Variants in UGT2B4 observed in about 807,000 individuals in gnomAD.
The protein encoded by UGT2B4 is UDP-glucuronosyltransferase 2B4.
Under a neutral mutation model 49.8 loss-of-function variants are expected in UGT2B4, and 49 were observed. The ratio of observed to expected loss-of-function variants is 0.98; its 90% confidence interval spans 0.78 to 1.25. The LOEUF (loss-of-function observed/expected upper bound fraction) is 1.25, where lower values mean the gene tolerates loss of function less well. Among genes scored for constraint, UGT2B4 ranks in the 50% most tolerant of loss-of-function variants. UGT2B4 has a pLI of 0.00. For synonymous variants in UGT2B4, 246 were observed against 217.7 expected (o/e 1.13, Z -1.14); for missense variants, 729 against 627.7 (o/e 1.16, Z -1.73).
Position 69,493,808 on chromosome 4 carries a change from T to A in UGT2B4, c.755A>T (p.Lys252Ile), listed in dbSNP as rs1728065500. 6.2e-7 allele frequency: 1 copy of A among 1,606,334 alleles called. No individual in the cohort carries two copies. Among genetic ancestry groups the A allele is most frequent in the Non-Finnish European group, 8.5e-7 (1 of 1,176,934 alleles). Residue 252 changes from lysine to isoleucine, a missense_variant, in exon 2 of 6, where the codon AAA (lysine) becomes ATA (isoleucine). Physicochemically the swap from Lys to Ile is moderately radical, Grantham distance 102. Transcript: ENST00000305107. ...GTTTCGAATAAGCCATATGTCAGCT[T>A]TTGCCATTGTCTCAGATAACGTAGT... Reference protein sequence around the residue: ...RPTTLSETMAKADIWLIRNYW... With the variant: ...RPTTLSETMAIADIWLIRNYW...
At chr4:69,507,232 G>T (rs1728496562) in intron 1 of UGT2B4, among the ~76,000 whole-genome samples, 1 of 152,116 alleles carries the variant, frequency 6.6e-6, no homozygotes. Context: ...GGGCCATCAG[G>T]CGAGCGAAAG....
chr4:69,485,625 T>A (rs1222351461), intron 4 of UGT2B4, among the ~76,000 whole-genome samples, 198 bp from the exon 5 acceptor site: 1 of 152,068 alleles, frequency 6.6e-6, no homozygotes, highest in African/African-American at 2.4e-5. Context: ...AACTTCAGAC[T>A]GAAAAAATTA....
chr4:69,480,627 G>C lies in UGT2B4; in HGVS notation c.*7C>G, dbSNP rs771821155. The C allele has an allele frequency of 1.0e-4, 169 of 1,612,362 alleles. No homozygotes were observed. The Middle Eastern group carries it at 2.3e-3, about 22-fold the overall frequency. Reference sequence around the variant, plus strand: ...TTGGGTTTCCCAGCTTCCAGCCTCAGACGTAATTAATCTCTTTTCCCCTTC... The same window carrying C: ...TTGGGTTTCCCAGCTTCCAGCCTCACACGTAATTAATCTCTTTTCCCCTTC... On this transcript the variant is annotated 3_prime_UTR_variant, in exon 6 of 6. Coordinates refer to ENST00000305107, the MANE Select transcript of UGT2B4 (RefSeq NM_021139.3).
In UGT2B4 at chr4:69,495,309, C is replaced by T. The variant is rs1348308427; in HGVS notation, c.553G>A (p.Gly185Arg). The T allele has an allele frequency of 6.2e-7, 1 of 1,613,094 alleles. No homozygotes were observed. The change falls in exon 1 of 6, where the codon GGA becomes AGA. Residue 185 changes from glycine to arginine, a missense_variant. Transcript: ENST00000305107. ...TAGGAAGGAGGGAACAGAAGTCCTC[C>T]ACTATGCTTTTCAATTGCGTAGCCA... The part of the protein sequence containing the change: ...SPGYAIEKHS[G>R]GLLFPPSYVP...
upstream of UGT2B4, chr4:69,496,007 G>T: frequency 7.6e-7 from 1 of 1,307,360 alleles, no homozygotes; most frequent in Non-Finnish European, 1.0e-6. Context: ...TGAGCATGTG[G>T]ATGACAAAGA....
chr4:69,515,196 T>A (rs976234049), intron 1 of UGT2B4, among the ~76,000 whole-genome samples: 1 of 152,190 alleles, frequency 6.6e-6, no homozygotes, highest in African/African-American at 2.4e-5. Context: ...CAGAACTCTT[T>A]ACCCAAATTT....
At chr4:69,509,355 T>C (rs1195928133) in intron 1 of UGT2B4, among the ~76,000 whole-genome samples, 1 of 152,058 alleles carries the variant, frequency 6.6e-6, no homozygotes, top group Non-Finnish European at 1.5e-5. Context: ...GTATTTTTAG[T>C]ACAGATGGGG....
rs545400825 is a variant in UGT2B4 at position 69,503,598 on chromosome 4, C to T, written c.-105-7632G>A. 3.3e-5 allele frequency among the ~76,000 whole-genome samples: 5 copies of T among 152,308 alleles called. No individual in the cohort carries two copies. The South Asian group carries it at 1.0e-3, about 32-fold the overall frequency. On this transcript the variant is annotated intron_variant, in intron 1 of 1. Transcript: ENST00000510114. Reference sequence around the variant, plus strand: ...ACCCTGCCAGTCCCCCACCCTTGTGCTAAAGCTGCACAGAGAACAGGAAAT... The same window carrying T: ...ACCCTGCCAGTCCCCCACCCTTGTGTTAAAGCTGCACAGAGAACAGGAAAT...
chr4:69,515,096 CAGTATT>C (rs759012164), intron 1 of UGT2B4, among the ~76,000 whole-genome samples: 13 of 152,092 alleles, frequency 8.5e-5, no homozygotes, highest in Non-Finnish European at 1.9e-4. Flanking sequence ...ACCCTACTAA[CAGTATT>C]AGAAGATCAT....
chr4:69,481,306 C>T (rs904002686), intron 5 of UGT2B4, among the ~76,000 whole-genome samples: 1 of 151,974 alleles, frequency 6.6e-6, no homozygotes, highest in Admixed American at 6.6e-5. Flanking sequence ...CTGAGCACAT[C>T]AAGTCCACGA....
At chr4:69,496,283 C>T (rs1008083435), upstream of UGT2B4, among the ~76,000 whole-genome samples, 1 of 151,502 alleles carries the variant, frequency 6.6e-6, no homozygotes, top group African/African-American at 2.4e-5. Flanking sequence ...CCTTGGCCTC[C>T]CAAAGTGCTG....
upstream of UGT2B4, among the ~76,000 whole-genome samples, chr4:69,496,989 A>C (rs564635293): frequency 1.1e-4 from 16 of 151,954 alleles, no homozygotes; most frequent in African/African-American, 3.6e-4. Flanking sequence ...TAGTACATTC[A>C]GTATTAATTA....
upstream of UGT2B4, among the ~76,000 whole-genome samples, chr4:69,496,238 G>A (rs1022097441): frequency 7.9e-5 from 12 of 151,888 alleles, no homozygotes; most frequent in Non-Finnish European, 1.2e-4. Flanking sequence ...TATTCGGCAG[G>A]ATGGTCTCGA....
At chr4:69,502,929 C>T (rs759427375) in intron 1 of UGT2B4, among the ~76,000 whole-genome samples, 7 of 152,228 alleles carry the variant, frequency 4.6e-5, no homozygotes, top group African/African-American at 7.2e-5. Flanking sequence ...CACAGAACAG[C>T]GTCTCCATCC....
intron 5 of UGT2B4, among the ~76,000 whole-genome samples, chr4:69,484,740 T>C (rs1381600019): frequency 6.6e-6 from 1 of 152,174 alleles, no homozygotes; most frequent in African/African-American, 2.4e-5. Flanking sequence ...TAAATATATT[T>C]GGATTTTATA....
chr4:69,511,282 G>C lies in UGT2B4; in HGVS notation c.-106+14405C>G, dbSNP rs565986880. Among the ~76,000 whole-genome samples the C allele has an allele frequency of 2.6e-5, 4 of 152,116 alleles. No homozygotes were observed. In the South Asian group the frequency reaches 8.3e-4, roughly 32 times the overall value. On this transcript the variant is annotated intron_variant, in intron 1 of 1. Coordinates refer to the UGT2B4 transcript ENST00000510114. ...TGGGATTACAGGCTTGAGCCACCGT[G>C]CTCAGCTGTTCTTTCTTATTTTAAG...
At chr4:69,516,952 T>C (rs1230066709) in intron 1 of UGT2B4, among the ~76,000 whole-genome samples, 2 of 152,080 alleles carry the variant, frequency 1.3e-5, no homozygotes, top group African/African-American at 4.8e-5. Context: ...GTTCATGTCC[T>C]TTGCCCAATT....
intron 2 of UGT2B4, among the ~76,000 whole-genome samples, chr4:69,493,301 T>C (rs190954975): frequency 6.6e-6 from 1 of 152,234 alleles, no homozygotes; most frequent in East Asian, 1.9e-4. Flanking sequence ...TTTTACACAG[T>C]TTTTATTACT....
At chr4:69,512,157 A>T (rs1274365483) in intron 1 of UGT2B4, among the ~76,000 whole-genome samples, 1 of 150,686 alleles carries the variant, frequency 6.6e-6, no homozygotes, top group Non-Finnish European at 1.5e-5. Flanking sequence ...GCTCAAATAT[A>T]TATTATTTCT....
Sources: gnomAD v4.1 joint callset for allele counts (sites outside exome capture counted in the v4.1 genomes callset) on GRCh38, gnomAD v4.1.1 for gene constraint, MANE v1.5 for transcripts, NCBI Gene and HGNC (gene_info 2026-07-23, HGNC 2026-07-21) for gene names.